The following LIPK variants were observed in gnomAD, a reference collection of about 807,000 sequenced individuals.
LIPK encodes lipase member K.
A neutral mutation model predicts 48.6 loss-of-function variants in LIPK; 32 were observed. That is an observed-to-expected ratio of 0.66 (90% CI 0.50 to 0.88). LIPK has a LOEUF of 0.88. Ranked by LOEUF, LIPK falls within the 40% of genes least tolerant of loss-of-function variation. The probability of loss-of-function intolerance (pLI) is 0.00; values close to 1 mark genes in which losing one functional copy is unlikely to be tolerated. For synonymous variants in LIPK, 164 were observed against 157.4 expected, an observed-to-expected ratio of 1.04 and a Z score of -0.32; for missense variants, 507 against 478.5, an observed-to-expected ratio of 1.06 and a Z score of -0.56.
chr10:88,716,642 C>CCACTGG (rs1215569309), intron 1 of LIPK, among the ~76,000 whole-genome samples: 5 of 152,122 alleles, frequency 3.3e-5, no homozygotes, highest in Non-Finnish European at 5.9e-5. Context: ...CAGGCATGAG[C>CCACTGG]CACTGAGCCT....
At chr10:88,721,315 G>A (rs1842221708) in intron 1 of LIPK, among the ~76,000 whole-genome samples, 1 of 152,186 alleles carries the variant, frequency 6.6e-6, no homozygotes, top group African/African-American at 2.4e-5. Flanking sequence ...AGAGGTTCCT[G>A]AATCAAGCAC....
At chr10:88,715,838 A>C (rs944911980) in intron 1 of LIPK, among the ~76,000 whole-genome samples, 1 of 139,168 alleles carries the variant, frequency 7.2e-6, no homozygotes, top group Non-Finnish European at 1.5e-5. Flanking sequence ...TTTCTGCCTT[A>C]TTCTAGGATA....
At chr10:88,721,770 C>G (rs1295436216) in intron 1 of LIPK, among the ~76,000 whole-genome samples, 3 of 152,160 alleles carry the variant, frequency 2.0e-5, no homozygotes, top group Admixed American at 2.0e-4. Context: ...TCAGAGGCCT[C>G]AAAACGCCAG....
rs1187339312 is a variant in LIPK at position 88,724,565 on chromosome 10, G to C, written c.22G>C (p.Ala8Pro). The change falls in exon 2 of 10, where the codon GCA becomes CCA. Residue 8 changes from alanine (A) to proline (P), a missense_variant. Physicochemically the swap from Ala to Pro is conservative, Grantham distance 27. Transcript: ENST00000404190. ...CCAAATGTGGCAGCTTTTAGCAGCAGCATGCTGGATGCTTCTTCTTGGATC... is the reference window on the plus strand; with the variant it reads ...CCAAATGTGGCAGCTTTTAGCAGCACCATGCTGGATGCTTCTTCTTGGATC... MWQLLAA[A>P]CWMLLLGSMY... The C allele has an allele frequency of 1.9e-6, 3 of 1,607,798 alleles. No individual in the cohort carries two copies. Among genetic ancestry groups the C allele is most frequent in the Non-Finnish European group, 8.5e-7 (1 of 1,177,752 alleles).
chr10:88,742,158 C>T (rs1047556677), intron 8 of LIPK, among the ~76,000 whole-genome samples: 5 of 152,172 alleles, frequency 3.3e-5, no homozygotes, highest in East Asian at 1.9e-4. Context: ...GGAAGTCCGC[C>T]CCCATGATTC....
At position 88,726,862 on chromosome 10, in the gene LIPK, T is replaced by A; in HGVS notation, c.173T>A (p.Ile58Asn). Residue 58 changes from isoleucine (I) to asparagine (N), a missense_variant, in exon 3 of 10, where the codon ATC becomes AAC. Coordinates refer to ENST00000404190, the MANE Select transcript of LIPK (RefSeq NM_001080518.2). ...GATGTTACAACAAAAGATGGTTATATCCTTGGAATTTATAGGATTCCACAT... is the reference window on the plus strand; with the variant it reads ...GATGTTACAACAAAAGATGGTTATAACCTTGGAATTTATAGGATTCCACAT... ...EYDVTTKDGY[I>N]LGIYRIPHGR... 6.2e-7 allele frequency: 1 copy of A among 1,607,636 alleles called. No individual in the cohort carries two copies. The highest frequency in any genetic ancestry group is 8.5e-7 in the Non-Finnish European group (1 of 1,175,468).
chr10:88,751,424 T>G (rs540661963), intron 9 of LIPK, among the ~76,000 whole-genome samples: 1 of 152,130 alleles, frequency 6.6e-6, no homozygotes, highest in Non-Finnish European at 1.5e-5. Flanking sequence ...CAGGGTCTCA[T>G]TATGTTGTAA....
chr10:88,726,207 C>T (rs948540769), intron 2 of LIPK, among the ~76,000 whole-genome samples: 2 of 152,142 alleles, frequency 1.3e-5, no homozygotes, highest in Admixed American at 6.5e-5. Flanking sequence ...AACTAGGGTG[C>T]TTTAATAATA....
intron 1 of LIPK, among the ~76,000 whole-genome samples, chr10:88,722,889 C>CTTTTTCTTT (rs1554954606): frequency 7.1e-5 from 8 of 113,206 alleles, no homozygotes; most frequent in African/African-American, 2.9e-4. Flanking sequence ...TTTCTTTTTT[C>CTTTTTCTTT]TTTTTTTTTT....
At position 88,740,069 on chromosome 10, in the gene LIPK, TA is replaced by T; in HGVS notation, c.888+4del. ...CAGAATATGCTGCACTGGGCTCAGGTAAGTGCTTCTTATTCCTGCTTGATGC... is the reference window on the plus strand; with the variant it reads ...CAGAATATGCTGCACTGGGCTCAGGTAGTGCTTCTTATTCCTGCTTGATGC... On this transcript the variant is annotated splice_donor_region_variant and intron_variant, in intron 8 of 9. Coordinates refer to ENST00000404190, the MANE Select transcript of LIPK (RefSeq NM_001080518.2). 6.2e-7 allele frequency: 1 copy of T among 1,609,386 alleles called. No homozygotes were observed. The highest frequency in any genetic ancestry group is 8.5e-7 in the Non-Finnish European group (1 of 1,176,730).
At chr10:88,751,283 G>T (rs931075157) in intron 9 of LIPK, among the ~76,000 whole-genome samples, 2 of 152,014 alleles carry the variant, frequency 1.3e-5, no homozygotes, top group East Asian at 1.9e-4. Context: ...GCTTCTTGCC[G>T]ATAGACTGAG....
chr10:88,716,583 C>T (rs1438445273), intron 1 of LIPK, among the ~76,000 whole-genome samples: 1 of 152,036 alleles, frequency 6.6e-6, no homozygotes, highest in Non-Finnish European at 1.5e-5. Context: ...TCTGGAACTC[C>T]TGGCCTCAGG....
intron 9 of LIPK, among the ~76,000 whole-genome samples, chr10:88,751,089 T>C (rs923309861): frequency 1.3e-5 from 2 of 152,156 alleles, no homozygotes; most frequent in African/African-American, 4.8e-5. Context: ...TTTTAGGAGG[T>C]AGTAGTATCT....
chr10:88,715,710 TCTTC>T (rs1201700338), intron 1 of LIPK, among the ~76,000 whole-genome samples: 1 of 152,062 alleles, frequency 6.6e-6, no homozygotes, highest in Admixed American at 6.6e-5. Flanking sequence ...TTGTCCTCTT[TCTTC>T]CTTTTCTTTC....
At chr10:88,727,507 C>A in intron 3 of LIPK, 1 of 161,914 alleles carries the variant, frequency 6.2e-6, no homozygotes, top group South Asian at 1.8e-4. Flanking sequence ...AAATCACCAT[C>A]TAGTTTAGCC....
intron 9 of LIPK, among the ~76,000 whole-genome samples, chr10:88,752,287 T>C (rs1055607682): frequency 5.3e-5 from 8 of 152,318 alleles, no homozygotes; most frequent in African/African-American, 1.7e-4. Flanking sequence ...TTCCCAAACG[T>C]GCAAGTCAGA....
intron 7 of LIPK, 129 bp from the exon 8 acceptor site, chr10:88,739,866 TA>T: frequency 1.9e-6 from 1 of 528,300 alleles, no homozygotes; most frequent in South Asian, 3.0e-5. Context: ...AAAATAAAAA[TA>T]AAAATAAAAA....
At chr10:88,734,766 G>A (rs1394347056) in intron 6 of LIPK, among the ~76,000 whole-genome samples, 1 of 152,160 alleles carries the variant, frequency 6.6e-6, no homozygotes, top group East Asian at 1.9e-4. Flanking sequence ...ATAGATATTG[G>A]GGATTGGAAC....
chr10:88,751,766 T>C (rs917845099), intron 9 of LIPK, among the ~76,000 whole-genome samples: 1 of 152,046 alleles, frequency 6.6e-6, no homozygotes, highest in Middle Eastern at 3.2e-3. Context: ...TTCATATAGT[T>C]TTTCCAAAGG....
Sources: allele counts gnomAD v4.1 joint callset (sites outside exome capture counted in the v4.1 genomes callset), GRCh38; gene constraint gnomAD v4.1.1; transcripts MANE v1.5; gene names NCBI Gene and HGNC (gene_info 2026-07-23, HGNC 2026-07-21).